NPAS3: variants seen among roughly 807,000 people sequenced by gnomAD.
NPAS3 encodes neuronal PAS domain protein 3.
Under a neutral mutation model 73.1 loss-of-function variants are expected in NPAS3, and 14 were observed. The observed-to-expected ratio is 0.19, with a 90% CI of 0.13 to 0.30. The LOEUF (loss-of-function observed/expected upper bound fraction) is 0.30. Among genes scored for constraint, NPAS3 ranks in the 10% least tolerant of loss-of-function variants. NPAS3 has a pLI of 1.00. For synonymous variants in NPAS3, 620 were observed against 541.5 expected, an observed-to-expected ratio of 1.14 and a Z score of -2.01; for missense variants, 1,096 against 1,250.0, an observed-to-expected ratio of 0.88 and a Z score of 1.86.
chr14:33,799,398 T>G (rs2063612410), intron 11 of NPAS3, among the ~76,000 whole-genome samples: 2 of 152,310 alleles, frequency 1.3e-5, no homozygotes, highest in African/African-American at 4.8e-5. Context: ...TGAATGTGCC[T>G]GAGAATCACC....
In NPAS3 at chr14:33,095,657, C is replaced by CTTTTTTTTTTTTTTTTTTTTTTTT. The variant is rs201283993; in HGVS notation, c.140+39667_140+39668insTTTTTTTTTTTTTTTTTTTTTTTT. 3.1e-5 allele frequency among the ~76,000 whole-genome samples: 3 copies of CTTTTTTTTTTTTTTTTTTTTTTTT among 97,656 alleles called. 1 individual carries two copies. Among genetic ancestry groups the CTTTTTTTTTTTTTTTTTTTTTTTT allele is most frequent in the Non-Finnish European group, 4.0e-5 (2 of 49,606 alleles). The allele number at this position is 97,656 out of a possible 152,430, so 64.1% of individuals were successfully genotyped here. A position where few individuals can be genotyped will look rare whatever the true frequency, so the allele number is the denominator to read the frequency against. ...TACACAAAGGCGTGGGCATTCTCTG[C>CTTTTTTTTTTTTTTTTTTTTTTTT]TTTTATTTTTTTATTTTTTTTTTTT... On this transcript the variant is annotated intron_variant, in intron 2 of 11. Transcript: ENST00000356141.
intron 3 of NPAS3, among the ~76,000 whole-genome samples, chr14:33,238,344 T>C (rs1362367893): frequency 1.3e-5 from 2 of 152,052 alleles, no homozygotes; most frequent in Non-Finnish European, 2.9e-5. Context: ...TCATTTTTAT[T>C]GAAAGCATAT....
At chr14:33,411,334 C>G (rs911008545) in intron 4 of NPAS3, among the ~76,000 whole-genome samples, 15 of 152,272 alleles carry the variant, frequency 9.9e-5, no homozygotes, top group African/African-American at 3.4e-4. Context: ...AGGCATCTGC[C>G]ACTATGCCCA....
intron 5 of NPAS3, among the ~76,000 whole-genome samples, chr14:33,595,663 T>G (rs950350355): frequency 3.9e-5 from 6 of 152,226 alleles, no homozygotes; most frequent in East Asian, 3.9e-4. Flanking sequence ...CCTAAATATT[T>G]TAATCAGTTG....
intron 5 of NPAS3, among the ~76,000 whole-genome samples, chr14:33,617,051 G>A (rs1408399397): frequency 2.0e-5 from 3 of 152,172 alleles, no homozygotes; most frequent in Non-Finnish European, 4.4e-5. Flanking sequence ...AGATGAATCT[G>A]TCAAAAAATT....
intron 3 of NPAS3, among the ~76,000 whole-genome samples, chr14:33,266,202 A>G (rs2040810230): frequency 6.6e-6 from 1 of 152,300 alleles, no homozygotes; most frequent in South Asian, 2.1e-4. Flanking sequence ...AACAATGTAA[A>G]GGATGAGTTT....
At chr14:33,038,257 T>A (rs1346575536) in intron 1 of NPAS3, among the ~76,000 whole-genome samples, 1 of 152,150 alleles carries the variant, frequency 6.6e-6, no homozygotes. Context: ...AGCTAACTGA[T>A]CCTTACTTAC....
intron 2 of NPAS3, among the ~76,000 whole-genome samples, chr14:33,077,119 T>C (rs553137113): frequency 6.6e-6 from 1 of 152,206 alleles, no homozygotes; most frequent in South Asian, 2.1e-4. Context: ...TAGCAGGCAC[T>C]AAACAAATAG....
At chr14:33,560,269 T>A in intron 5 of NPAS3, 59 bp downstream of exon 5, 1 of 776,324 alleles carries the variant, frequency 1.3e-6, no homozygotes, top group South Asian at 1.5e-5. Flanking sequence ...CAGCCTCATG[T>A]TTTTCCTTCT....
chr14:33,145,930 A>G (rs1349890113), intron 2 of NPAS3, among the ~76,000 whole-genome samples: 1 of 152,032 alleles, frequency 6.6e-6, no homozygotes, highest in Non-Finnish European at 1.5e-5. Flanking sequence ...ATGAAAAATA[A>G]CTTAAAGAAG....
At chr14:33,049,409 A>G (rs948484002) in intron 1 of NPAS3, among the ~76,000 whole-genome samples, 4 of 152,222 alleles carry the variant, frequency 2.6e-5, no homozygotes, top group African/African-American at 4.8e-5. Context: ...AGGAGGTTTA[A>G]TGGAGAACTC....
chr14:33,764,235 G>A (rs943360217), intron 7 of NPAS3, among the ~76,000 whole-genome samples: 1 of 152,200 alleles, frequency 6.6e-6, no homozygotes, highest in African/African-American at 2.4e-5. Context: ...CATCTTCGGC[G>A]GAGGGGTACA....
intron 11 of NPAS3, 66 bp from the exon 12 acceptor site, chr14:33,799,668 C>T (rs1790091643): frequency 1.3e-6 from 2 of 1,529,768 alleles, no homozygotes; most frequent in Non-Finnish European, 1.8e-6. Flanking sequence ...GGTCGCCCCG[C>T]TAACCTGGTG....
intron 3 of NPAS3, among the ~76,000 whole-genome samples, chr14:33,349,875 C>T (rs910511989): frequency 1.3e-5 from 2 of 152,252 alleles, no homozygotes; most frequent in East Asian, 1.9e-4. Context: ...AGTCTCTGGG[C>T]GGAATTGTTG....
At chr14:33,028,172 T>G (rs2138321167) in intron 1 of NPAS3, among the ~76,000 whole-genome samples, 1 of 152,344 alleles carries the variant, frequency 6.6e-6, no homozygotes, top group East Asian at 1.9e-4. Flanking sequence ...GAACACTTGG[T>G]CTTTGCCTCC....
intron 3 of NPAS3, among the ~76,000 whole-genome samples, chr14:33,345,351 G>T (rs1384189950): frequency 6.6e-6 from 1 of 152,178 alleles, no homozygotes; most frequent in African/African-American, 2.4e-5. Flanking sequence ...CATTTGTGCT[G>T]ATTTTCAGAT....
intron 2 of NPAS3, among the ~76,000 whole-genome samples, chr14:33,174,363 C>CTGT (rs2045510715): frequency 6.6e-6 from 1 of 152,198 alleles, no homozygotes; most frequent in Non-Finnish European, 1.5e-5. Flanking sequence ...ACGGTTATCA[C>CTGT]TGTGGTAGCT....
At chr14:33,695,028 A>G (rs1295705782) in intron 6 of NPAS3, among the ~76,000 whole-genome samples, 3 of 152,102 alleles carry the variant, frequency 2.0e-5, no homozygotes, top group Admixed American at 6.5e-5. Context: ...TCCTACCACC[A>G]CATCAGTTCT....
chr14:33,082,134 AC>A (rs1212529780), intron 2 of NPAS3, among the ~76,000 whole-genome samples: 1 of 152,202 alleles, frequency 6.6e-6, no homozygotes, highest in Non-Finnish European at 1.5e-5. Context: ...ATCAAGGTGA[AC>A]CCAATGAGAA....
Sources: gnomAD v4.1 joint callset for allele counts (sites outside exome capture counted in the v4.1 genomes callset) on GRCh38, gnomAD v4.1.1 for gene constraint, MANE v1.5 for transcripts, NCBI Gene and HGNC (gene_info 2026-07-23, HGNC 2026-07-21) for gene names.